The following TMEM181 variants were observed in gnomAD, a reference collection of about 807,000 sequenced individuals.
The protein encoded by TMEM181 is G protein-coupled receptor 178.
In TMEM181, 39 loss-of-function variants were observed where a neutral mutation model predicts 71.9. That is an observed-to-expected ratio of 0.54 (90% CI 0.42 to 0.71). The LOEUF (loss-of-function observed/expected upper bound fraction) is 0.71, where lower values mean the gene tolerates loss of function less well. Ranked by LOEUF, TMEM181 falls within the 30% of genes least tolerant of loss-of-function variation. TMEM181 has a pLI of 0.00. For synonymous variants in TMEM181, 245 were observed against 228.8 expected (o/e 1.07, Z -0.64); for missense variants, 595 against 583.0 (o/e 1.02, Z -0.21).
chr6:158,603,452 C>A (rs73014237), intron 6 of TMEM181, among the ~76,000 whole-genome samples: 8 of 152,322 alleles, frequency 5.3e-5, no homozygotes, highest in Admixed American at 3.9e-4. Flanking sequence ...CTCGCTGGCC[C>A]ACTGCTCATC....
At chr6:158,604,320 G>A (rs75631046) in intron 6 of TMEM181, among the ~76,000 whole-genome samples, 1 of 127,882 alleles carries the variant, frequency 7.8e-6, no homozygotes, top group Non-Finnish European at 1.7e-5. Context: ...AATCATCCTT[G>A]TGCATGCGTG....
intron 6 of TMEM181, among the ~76,000 whole-genome samples, chr6:158,596,936 A>G (rs891908471): frequency 6.6e-6 from 1 of 152,182 alleles, no homozygotes; most frequent in Non-Finnish European, 1.5e-5. Flanking sequence ...ATATAATTCA[A>G]GTTGAGATTT....
At chr6:158,544,213 G>GTA (rs1396265078) in intron 1 of TMEM181, among the ~76,000 whole-genome samples, 12 of 151,452 alleles carry the variant, frequency 7.9e-5, no homozygotes, top group African/African-American at 2.9e-4. Flanking sequence ...GTGTGTGTGT[G>GTA]TGTGTTGGGG....
chr6:158,559,141 C>T (rs1188456002), upstream of TMEM181, among the ~76,000 whole-genome samples: 2 of 151,928 alleles, frequency 1.3e-5, no homozygotes, highest in Non-Finnish European at 2.9e-5. Context: ...ATCCACCTCA[C>T]CCTCCAGATT....
chr6:158,609,725 C>G (rs760372681), intron 10 of TMEM181: 1 of 263,442 alleles, frequency 3.8e-6, no homozygotes, highest in Non-Finnish European at 8.0e-6. Flanking sequence ...GTAGAGGCAA[C>G]TGGTGTTCTC....
intron 7 of TMEM181, among the ~76,000 whole-genome samples, chr6:158,606,600 C>T (rs1456564023): frequency 6.6e-6 from 1 of 152,218 alleles, no homozygotes; most frequent in African/African-American, 2.4e-5. Context: ...AAACAATCAA[C>T]AACAAAACCC....
chr6:158,561,328 A>G (rs1782160526), intron 1 of TMEM181, among the ~76,000 whole-genome samples: 1 of 152,232 alleles, frequency 6.6e-6, no homozygotes, highest in African/African-American at 2.4e-5. Flanking sequence ...GGCATCAAAT[A>G]TCAGACCTAT....
At chr6:158,554,316 C>T (rs1332398482) in intron 1 of TMEM181, among the ~76,000 whole-genome samples, 2 of 152,050 alleles carry the variant, frequency 1.3e-5, no homozygotes, top group Non-Finnish European at 2.9e-5. Flanking sequence ...GAACTCTTGA[C>T]CTCAGGCAGT....
intron 6 of TMEM181, 24 bp from the exon 7 acceptor site, chr6:158,605,239 AAATT>A: frequency 6.3e-7 from 1 of 1,591,880 alleles, no homozygotes; most frequent in Non-Finnish European, 8.6e-7. Flanking sequence ...TATTTTTTTC[AAATT>A]GTTTTCTCCA....
In TMEM181 at chr6:158,620,217, G is replaced by A. The variant is rs893605803; in HGVS notation, c.897-3333G>A. ...CATGTGGGCTGGTGAGAGGAGGCCC[G>A]GGGGGGTCTATTTTTATTAGGCATC... On this transcript the variant is annotated intron_variant, in intron 10 of 16. Transcript: ENST00000684151. This position sits in a 1 kb window ranked among gnomAD's most constrained non-coding sequence, Gnocchi z 4.5. Among the ~76,000 whole-genome samples, 2 of 148,578 alleles carry A rather than the reference G, an allele frequency of 1.3e-5. No homozygotes were observed. Among genetic ancestry groups the A allele is most frequent in the East Asian group, 1.9e-4 (1 of 5,180 alleles).
At chr6:158,542,532 C>A (rs1317086116) in intron 1 of TMEM181, among the ~76,000 whole-genome samples, 1 of 152,194 alleles carries the variant, frequency 6.6e-6, no homozygotes, top group Non-Finnish European at 1.5e-5. Flanking sequence ...CTGGTGTTTA[C>A]CTAGGCTTAA....
intron 2 of TMEM181, among the ~76,000 whole-genome samples, chr6:158,574,392 A>G (rs940992461): frequency 6.6e-6 from 1 of 152,208 alleles, no homozygotes; most frequent in East Asian, 1.9e-4. Flanking sequence ...TAAGTCATCA[A>G]GAAATAAAAA....
intron 6 of TMEM181, among the ~76,000 whole-genome samples, chr6:158,603,220 C>T (rs1258552832): frequency 6.6e-6 from 1 of 152,176 alleles, no homozygotes; most frequent in African/African-American, 2.4e-5. Context: ...CCAGTGGTCC[C>T]CAGCCTTTTT....
chr6:158,600,306 A>G (rs557818447), intron 6 of TMEM181, among the ~76,000 whole-genome samples: 31 of 151,992 alleles, frequency 2.0e-4, no homozygotes, highest in Non-Finnish European at 3.2e-4. Context: ...GATTACAGAC[A>G]TGCGCCACCA....
chr6:158,611,338 C>A, intron 10 of TMEM181: 3 of 518,732 alleles, frequency 5.8e-6, no homozygotes, highest in South Asian at 2.9e-5. Flanking sequence ...TGGTTTTGAA[C>A]TAGTGACAGC....
intron 1 of TMEM181, among the ~76,000 whole-genome samples, chr6:158,563,578 C>T (rs1026910502): frequency 1.1e-4 from 17 of 152,256 alleles, no homozygotes; most frequent in Admixed American, 3.3e-4. Flanking sequence ...AGGGCCAGCA[C>T]TGCTTGTGCT....
chr6:158,546,309 C>T (rs146079073), intron 1 of TMEM181, among the ~76,000 whole-genome samples: 1 of 152,352 alleles, frequency 6.6e-6, no homozygotes, highest in East Asian at 1.9e-4. Flanking sequence ...CTGTAGTTCT[C>T]ATCATTGGCA....
At chr6:158,605,133 T>TAAA (rs1784878761) in intron 6 of TMEM181, 134 bp from the exon 7 acceptor site, 1 of 80,450 alleles carries the variant, frequency 1.2e-5, no homozygotes, top group Non-Finnish European at 2.3e-5. Flanking sequence ...AAAAAAAAAG[T>TAAA]GTGTGTGTGT....
chr6:158,585,969 C>T (rs954885460), intron 5 of TMEM181, among the ~76,000 whole-genome samples: 8 of 152,172 alleles, frequency 5.3e-5, no homozygotes, highest in East Asian at 3.8e-4. Context: ...GGACTGCAAG[C>T]GTATGCTACC....
Sources: allele counts gnomAD v4.1 joint callset (sites outside exome capture counted in the v4.1 genomes callset), GRCh38; gene constraint gnomAD v4.1.1; non-coding constraint Gnocchi (gnomAD v3.1); transcripts MANE v1.5; gene names NCBI Gene and HGNC (gene_info 2026-07-23, HGNC 2026-07-21).